Variants in GIT1 observed in about 807,000 individuals in gnomAD.
GIT1 encodes the protein GIT ArfGAP 1.
GIT1 carries 14 observed loss-of-function variants against 91.7 expected under a neutral mutation model. That is an observed-to-expected ratio of 0.15 (90% CI 0.10 to 0.24). The LOEUF is 0.24. Ranked by LOEUF, GIT1 falls within the 10% of genes least tolerant of loss-of-function variation. GIT1 has a pLI of 1.00. For missense variants in GIT1, 717 were observed against 1,024.9 expected, an observed-to-expected ratio of 0.70 and a Z score of 4.10; for synonymous variants, 414 against 418.2, an observed-to-expected ratio of 0.99 and a Z score of 0.12.
rs949495817 is a variant in GIT1 at position 29,581,597 on chromosome 17, G to A, written c.718+145C>T. 3.1e-5 allele frequency: 22 copies of A among 713,444 alleles called. 1 individual carries two copies. The highest frequency in any genetic ancestry group is 4.9e-5 in the South Asian group (3 of 61,120). 44.2% of individuals were successfully genotyped at this position (713,444 alleles called of 1,614,324 possible). A position where few individuals can be genotyped will look rare whatever the true frequency, so the allele number is the denominator to read the frequency against. On this transcript the variant is annotated intron_variant, in intron 6 of 19. Transcript: ENST00000225394. The surrounding 1 kb of genome is among the most constrained non-coding windows in gnomAD (Gnocchi z 4.8). ...GCGATGCTATGGCCCAGAGCCTGCA[G>A]TAATTTCACAGGAGCCAGTTGCCTA...
intron 7 of GIT1, among the ~76,000 whole-genome samples, chr17:29,580,191 G>T (rs1050071537): frequency 1.3e-5 from 2 of 152,242 alleles, no homozygotes; most frequent in African/African-American, 4.8e-5. Flanking sequence ...TGCTCCCAGT[G>T]CCAAGAGCAG....
In GIT1 at chr17:29,574,931, T is replaced by G. The variant is rs773982835; in HGVS notation, c.2074-17A>C. ...GGCTGGCCTCTGGAGGGGGCAGGAG[T>G]GAGGCTGGACCTTGGACTTTAAGCC... On this transcript the variant is annotated splice_polypyrimidine_tract_variant and intron_variant, in intron 19 of 19. Coordinates refer to ENST00000225394, the MANE Select transcript of GIT1 (RefSeq NM_014030.4). 5.2e-6 allele frequency: 8 copies of G among 1,546,946 alleles called. No individual in the cohort carries two copies. Among genetic ancestry groups the G allele is most frequent in the Non-Finnish European group, 7.0e-6 (8 of 1,144,668 alleles).
At chr17:29,583,651 G>C in intron 1 of GIT1, 35 bp from the exon 2 acceptor site, 1 of 1,546,904 alleles carries the variant, frequency 6.5e-7, no homozygotes, top group African/African-American at 1.4e-5. Flanking sequence ...GCCGGAGCCA[G>C]ATGATGGGCC....
chr17:29,583,861 C>A (rs938879256), intron 1 of GIT1: 7 of 503,828 alleles, frequency 1.4e-5, no homozygotes, highest in Admixed American at 7.3e-5. Flanking sequence ...ATATGCAGTC[C>A]CCAGGGCCCA....
rs1381752902 is a variant in GIT1, at chr17:29,581,933, T to C, written c.617A>G (p.Tyr206Cys). Residue 206 changes from tyrosine to cysteine, a missense_variant, in exon 5 of 20, where the codon TAT becomes TGT. Physicochemically the swap from Tyr to Cys is radical, Grantham distance 194. Coordinates refer to ENST00000225394, the MANE Select transcript of GIT1 (RefSeq NM_014030.4). The surrounding 1 kb of genome is among the most constrained non-coding windows in gnomAD (Gnocchi z 4.8). ...CCCTTCAGCCGACCCTCACCTGGCA[T>C]AGTCAATGGGTGTGCGGCCATTAAC... Reference protein sequence around the residue: ...PDVNGRTPIDYARQAGHHELA... With the variant: ...PDVNGRTPIDCARQAGHHELA... 1 of 1,416,276 alleles carries C rather than the reference T, an allele frequency of 7.1e-7. No individual in the cohort carries two copies. The highest frequency in any genetic ancestry group is 1.8e-5 in the Admixed American group (1 of 55,678). 87.7% of individuals were successfully genotyped at this position (1,416,276 alleles called of 1,614,324 possible). A position where few individuals can be genotyped will look rare whatever the true frequency, so the allele number is the denominator to read the frequency against.
At chr17:29,587,502 G>A (rs1178976743) in intron 1 of GIT1, among the ~76,000 whole-genome samples, 2 of 152,180 alleles carry the variant, frequency 1.3e-5, no homozygotes, top group African/African-American at 2.4e-5. Flanking sequence ...CCTGGGAGGA[G>A]GAGCTGGGCA....
intron 1 of GIT1, among the ~76,000 whole-genome samples, chr17:29,587,927 T>C (rs906938405): frequency 6.6e-6 from 1 of 152,156 alleles, no homozygotes; most frequent in Non-Finnish European, 1.5e-5. Context: ...TCCCCAGACC[T>C]GCCTGCAGCT....
intron 7 of GIT1, among the ~76,000 whole-genome samples, chr17:29,580,798 A>C (rs924116578): frequency 7.4e-6 from 1 of 136,028 alleles, no homozygotes; most frequent in Admixed American, 7.4e-5. Context: ...TTTGAGACGG[A>C]GTTTGGAGTT....
chr17:29,578,213 C>A, intron 9 of GIT1, 86 bp downstream of exon 9: 1 of 1,115,236 alleles, frequency 9.0e-7, no homozygotes, highest in South Asian at 1.2e-5. Context: ...ACCCCAGGCA[C>A]CCCTTCTTAG....
In GIT1 at chr17:29,576,977, CAG is replaced by C; in HGVS notation, c.1111_1112del (p.Leu371AlafsTer5). ...SSPTDNLELS[L>X]RSQSDLDDQH... ...GGTCGTCGAGGTCACTCTGGCTCCG[CAG>C]AGACAGCTCGAGGTTGTCTGAGGAC... On this transcript the variant is annotated frameshift_variant, in exon 12 of 20. Transcript: ENST00000225394. LOFTEE classifies it high-confidence loss of function. 1.2e-6 allele frequency: 2 copies of C among 1,602,950 alleles called. No homozygotes were observed. Among genetic ancestry groups the C allele is most frequent in the Non-Finnish European group, 1.7e-6 (2 of 1,179,582 alleles).
At chr17:29,583,821 T>C (rs1440667743) in intron 1 of GIT1, 4 of 600,736 alleles carry the variant, frequency 6.7e-6, no homozygotes, top group Non-Finnish European at 1.2e-5. Context: ...GACAGAGCCA[T>C]GCCCTTTCCT....
Position 29,583,467 on chromosome 17 carries a change from C to T in GIT1, c.186+16G>A, listed in dbSNP as rs566057315. 4.4e-5 allele frequency: 71 copies of T among 1,609,808 alleles called. No individual in the cohort carries two copies. The highest frequency in any genetic ancestry group is 2.0e-4 in the South Asian group (18 of 90,930). ...TGCCTGAGGGGAAGGAAGAACCACC[C>T]GACTGAGCCCTGTACCTGCAGCAGC... On this transcript the variant is annotated intron_variant, in intron 2 of 19. Transcript: ENST00000225394.
Position 29,582,107 on chromosome 17 carries a change from G to A in GIT1, c.443C>T (p.Thr148Ile). Residue 148 changes from threonine (T) to isoleucine (I), a missense_variant, in exon 5 of 20, where the codon ACA becomes ATA. Physicochemically the swap from Thr to Ile is moderately conservative, Grantham distance 89 (BLOSUM62 -1). Coordinates refer to ENST00000225394, the MANE Select transcript of GIT1 (RefSeq NM_014030.4). Reference sequence around the variant, plus strand: ...ACCCAGGGAGAGCAGGCGCAGACATGTCTCCAGGTTGCCTGTCCGCACGCT... The same window carrying A: ...ACCCAGGGAGAGCAGGCGCAGACATATCTCCAGGTTGCCTGTCCGCACGCT... ...HSSVRTGNLE[T>I]CLRLLSLGAQ... 6.3e-7 allele frequency: 1 copy of A among 1,599,092 alleles called. No homozygotes were observed. Among genetic ancestry groups the A allele is most frequent in the Non-Finnish European group, 8.5e-7 (1 of 1,178,074 alleles).
At chr17:29,584,156 T>C (rs1740486595) in intron 1 of GIT1, among the ~76,000 whole-genome samples, 1 of 152,202 alleles carries the variant, frequency 6.6e-6, no homozygotes, top group Admixed American at 6.5e-5. Context: ...TTAAGGAAGA[T>C]GGACAGAGCA....
intron 11 of GIT1, 64 bp from the exon 12 acceptor site, chr17:29,577,060 C>T: frequency 1.2e-6 from 2 of 1,607,352 alleles, no homozygotes; most frequent in East Asian, 2.2e-5. Flanking sequence ...CAGGTCACCA[C>T]TGGCAGGGAG....
chr17:29,577,667 T>G lies in GIT1; in HGVS notation c.959A>C (p.Glu320Ala). ...SAVPFLPVNP[E>A]YSATRNQGRQ... ...CACCTGATTCCGCGTGGCTGAGTAT[T>G]CCGGGTTAACAGGCAGGAAGGGCAC... Residue 320 changes from glutamate (E) to alanine (A), a missense_variant, in exon 10 of 20, where the codon GAA becomes GCA. Glu to Ala is a moderately radical substitution (Grantham distance 107). Coordinates refer to ENST00000225394, the MANE Select transcript of GIT1 (RefSeq NM_014030.4). 6 of 1,611,142 alleles carry G rather than the reference T, an allele frequency of 3.7e-6. No individual in the cohort carries two copies. The highest frequency in any genetic ancestry group is 5.1e-6 in the Non-Finnish European group (6 of 1,177,736).
At chr17:29,576,179 C>A (rs759741896) in intron 14 of GIT1, 41 bp downstream of exon 14, 2 of 1,609,786 alleles carry the variant, frequency 1.2e-6, no homozygotes. Context: ...TGCGGCAGCC[C>A]CACCCATCTC....
intron 1 of GIT1, among the ~76,000 whole-genome samples, chr17:29,587,285 C>T (rs1161175953): frequency 2.0e-5 from 3 of 152,140 alleles, no homozygotes; most frequent in Non-Finnish European, 2.9e-5. Flanking sequence ...TCCCAAGCAG[C>T]CAGCCAGGGT....
chr17:29,589,472 G>A lies in GIT1; in HGVS notation c.-94C>T, dbSNP rs1351247773. The A allele has an allele frequency of 7.3e-6, 3 of 410,600 alleles. No individual in the cohort carries two copies. The highest frequency in any genetic ancestry group is 9.8e-6 in the Non-Finnish European group (3 of 307,426). The allele number at this position is 410,600 out of a possible 1,614,324, so 25.4% of individuals were successfully genotyped here. On this transcript the variant is annotated 5_prime_UTR_variant, in exon 1 of 20. Transcript: ENST00000225394. The surrounding 1 kb of genome is among the most constrained non-coding windows in gnomAD (Gnocchi z 5.2). ...GGCGGCGGCCCCTGCTGCCCGGCCC[G>A]GCTCCGGCGAGGCCCCGGCGAGGCT...
Sources: allele counts gnomAD v4.1 joint callset (sites outside exome capture counted in the v4.1 genomes callset), GRCh38; gene constraint gnomAD v4.1.1; non-coding constraint Gnocchi (gnomAD v3.1); transcripts MANE v1.5; gene names NCBI Gene and HGNC (gene_info 2026-07-23, HGNC 2026-07-21).